Variants in FOCAD observed in about 807,000 individuals in gnomAD.
FOCAD encodes the protein focadhesin.
Under a neutral mutation model 225.6 loss-of-function variants are expected in FOCAD, and 198 were observed. The ratio of observed to expected loss-of-function variants is 0.88; its 90% CI spans 0.78 to 0.99. The LOEUF (loss-of-function observed/expected upper bound fraction) is 0.99, where lower values mean the gene tolerates loss of function less well. Among genes scored for constraint, FOCAD ranks in the 50% least tolerant of loss-of-function variants. The probability of loss-of-function intolerance (pLI) is 0.00; values close to 1 mark genes in which losing one functional copy is unlikely to be tolerated. For synonymous variants in FOCAD, 897 were observed against 755.0 expected, an observed-to-expected ratio of 1.19 and a Z score of -3.08; for missense variants, 2,713 against 2,123.6, an observed-to-expected ratio of 1.28 and a Z score of -5.46.
intron 15 of FOCAD, among the ~76,000 whole-genome samples, chr9:20,837,853 A>G (rs1826147124): frequency 6.6e-6 from 1 of 152,138 alleles, no homozygotes. Context: ...CTCCATGCGT[A>G]GGATAAAATA....
chr9:20,874,457 T>C (rs1239056673), intron 18 of FOCAD: 1 of 449,736 alleles, frequency 2.2e-6, no homozygotes, highest in Non-Finnish European at 3.9e-6. Flanking sequence ...AAGCTTTTTA[T>C]ACAGATCTGA....
chr9:20,706,433 T>G (rs1824394159), intron 1 of FOCAD, among the ~76,000 whole-genome samples: 1 of 152,188 alleles, frequency 6.6e-6, no homozygotes, highest in African/African-American at 2.4e-5. Flanking sequence ...TGGCAGCCAG[T>G]GAGATCATCT....
At chr9:20,803,466 A>G (rs1822058375) in intron 11 of FOCAD, among the ~76,000 whole-genome samples, 1 of 152,112 alleles carries the variant, frequency 6.6e-6, no homozygotes, top group Non-Finnish European at 1.5e-5. Flanking sequence ...AGTGAAGGAG[A>G]GAGTACTGCA....
At chr9:20,945,391 A>T (rs1194951026) in intron 29 of FOCAD, among the ~76,000 whole-genome samples, 3 of 152,164 alleles carry the variant, frequency 2.0e-5, no homozygotes, top group Non-Finnish European at 4.4e-5. Flanking sequence ...CTTTGAGAGG[A>T]GCAGGGTATG....
At chr9:20,702,297 T>A (rs1296970310) in intron 1 of FOCAD, among the ~76,000 whole-genome samples, 9 of 152,108 alleles carry the variant, frequency 5.9e-5, no homozygotes, top group African/African-American at 1.9e-4. Context: ...AGAGATGGGG[T>A]ATCACTATGT....
intron 24 of FOCAD, among the ~76,000 whole-genome samples, chr9:20,920,140 C>A (rs543748942): frequency 2.1e-4 from 32 of 152,266 alleles, no homozygotes; most frequent in Admixed American, 1.9e-3. Context: ...ACCCCATCAA[C>A]AAGTGGGCGA....
chr9:20,946,588 G>A, intron 29 of FOCAD, 113 bp from the exon 30 acceptor site: 3 of 1,174,616 alleles, frequency 2.6e-6, no homozygotes, highest in Non-Finnish European at 3.6e-6. Flanking sequence ...GTAAATGTAT[G>A]TGAATCCAAT....
intron 7 of FOCAD, among the ~76,000 whole-genome samples, 192 bp downstream of exon 7, chr9:20,765,265 A>G (rs1037583111): frequency 1.3e-5 from 2 of 152,206 alleles, no homozygotes. Context: ...ATTATATTCG[A>G]TATTAACTAA....
At chr9:20,792,637 A>G (rs553714441) in intron 11 of FOCAD, among the ~76,000 whole-genome samples, 15 of 152,096 alleles carry the variant, frequency 9.9e-5, no homozygotes, top group Middle Eastern at 3.4e-3. Flanking sequence ...TTTTCTTTTT[A>G]CATTTTGGTT....
At position 20,914,471 on chromosome 9, in the gene FOCAD, A is replaced by C. The variant is rs79540116; in HGVS notation, c.2807+1517A>C. On this transcript the variant is annotated intron_variant, in intron 23 of 43. Coordinates refer to ENST00000338382, the MANE Select transcript of FOCAD (RefSeq NM_001375567.1). ...AGGGAGGTTGAGGGGTGGCATTACC[A>C]TTTTCTGTACGGTGTTCAGGGTCTC... 2.3e-4 allele frequency among the ~76,000 whole-genome samples: 35 copies of C among 152,238 alleles called. 1 individual carries two copies. The East Asian group carries it at 2.3e-3, about 10-fold the overall frequency.
chr9:20,693,165 C>T (rs1221028476), intron 1 of FOCAD, among the ~76,000 whole-genome samples: 1 of 152,144 alleles, frequency 6.6e-6, no homozygotes, highest in Non-Finnish European at 1.5e-5. Context: ...CATTTACAGC[C>T]ACTCTCTCTC....
chr9:20,885,239 C>T lies in FOCAD; in HGVS notation c.2625+9C>T, dbSNP rs201422911. On this transcript the variant is annotated intron_variant, in intron 21 of 43. Coordinates refer to ENST00000338382, the MANE Select transcript of FOCAD (RefSeq NM_001375567.1). ...TTGCTCTTGTACATGAGGTAGGTTC[C>T]CGTGTCCTCTTCTTTATGTTTTAGT... The T allele has an allele frequency of 1.8e-5, 27 of 1,485,640 alleles. No individual in the cohort carries two copies. In the African/African-American group the frequency reaches 3.9e-4, roughly 21 times the overall value. 92.0% of individuals were successfully genotyped at this position (1,485,640 alleles called of 1,614,324 possible). A position where few individuals can be genotyped will look rare whatever the true frequency, so the allele number is the denominator to read the frequency against.
chr9:20,755,764 T>C (rs979346171), intron 5 of FOCAD, among the ~76,000 whole-genome samples: 1 of 152,168 alleles, frequency 6.6e-6, no homozygotes, highest in Non-Finnish European at 1.5e-5. Context: ...GAAATAATTG[T>C]AGGTGCTATT....
chr9:20,815,371 C>G (rs931260470), intron 11 of FOCAD, among the ~76,000 whole-genome samples: 10 of 150,756 alleles, frequency 6.6e-5, no homozygotes, highest in African/African-American at 2.4e-4. Context: ...TCTCGAACTC[C>G]TGATCTCAGG....
chr9:20,809,135 C>T (rs116790917), intron 11 of FOCAD, among the ~76,000 whole-genome samples: 4 of 152,108 alleles, frequency 2.6e-5, no homozygotes, highest in Admixed American at 6.6e-5. Context: ...TGCCGGTGTT[C>T]ACAGCATATC....
intron 20 of FOCAD, among the ~76,000 whole-genome samples, chr9:20,884,163 A>T (rs1397078852): frequency 6.6e-6 from 1 of 152,212 alleles, no homozygotes; most frequent in Non-Finnish European, 1.5e-5. Context: ...AGAACTAAAC[A>T]GTTCACAAAG....
In FOCAD at chr9:20,703,226, G is replaced by A. The variant is rs554852118; in HGVS notation, c.-32-12096G>A. On this transcript the variant is annotated intron_variant, in intron 1 of 43. Transcript: ENST00000338382. Reference sequence around the variant, plus strand: ...GGAAGGTTCGAGGGAACATGTGAAGGGAGAGAAGAAACAGCTTATTTGAAC... The same window carrying A: ...GGAAGGTTCGAGGGAACATGTGAAGAGAGAGAAGAAACAGCTTATTTGAAC... Among the ~76,000 whole-genome samples the A allele has an allele frequency of 4.4e-4, 67 of 152,228 alleles. No homozygotes were observed. In the South Asian group the frequency reaches 0.011, roughly 25 times the overall value.
At chr9:20,708,335 TAAA>T (rs1824556285) in intron 1 of FOCAD, among the ~76,000 whole-genome samples, 1 of 152,186 alleles carries the variant, frequency 6.6e-6, no homozygotes, top group Admixed American at 6.5e-5. Context: ...GAATAGTTAA[TAAA>T]ATGTTAGAAA....
intron 28 of FOCAD, among the ~76,000 whole-genome samples, 160 bp from the exon 29 acceptor site, chr9:20,944,467 T>C (rs1337636622): frequency 6.6e-6 from 1 of 152,176 alleles, no homozygotes. Context: ...GAGGTATGTG[T>C]ACTTGTCATG....
Sources: gnomAD v4.1 joint callset for allele counts (sites outside exome capture counted in the v4.1 genomes callset) on GRCh38, gnomAD v4.1.1 for gene constraint, MANE v1.5 for transcripts, NCBI Gene and HGNC (gene_info 2026-07-23, HGNC 2026-07-21) for gene names.